The following UBR1 variants were observed in gnomAD, a reference collection of about 807,000 sequenced individuals.
The protein encoded by UBR1 is ubiquitin protein ligase E3 component n-recognin 1.
UBR1 carries 102 observed loss-of-function variants against 242.1 expected under a neutral mutation model. The ratio of observed to expected loss-of-function variants is 0.42; its 90% CI spans 0.36 to 0.50. The LOEUF (loss-of-function observed/expected upper bound fraction) is 0.50. Ranked by LOEUF, UBR1 falls within the 20% of genes least tolerant of loss-of-function variation. The pLI, the probability that UBR1 is intolerant of heterozygous loss-of-function variation, is 0.01. For missense variants in UBR1, 1,772 were observed against 2,101.8 expected (o/e 0.84, Z 3.07); for synonymous variants, 675 against 684.8 (o/e 0.99, Z 0.22).
intron 21 of UBR1, 90 bp from the exon 22 acceptor site, chr15:43,027,918 A>C: frequency 9.8e-7 from 1 of 1,016,640 alleles, no homozygotes; most frequent in East Asian, 2.5e-5. Context: ...TGCATCTCTG[A>C]AGTACTTTGT....
chr15:43,028,807 G>C (rs909450542), intron 21 of UBR1, among the ~76,000 whole-genome samples: 13 of 150,946 alleles, frequency 8.6e-5, no homozygotes, highest in African/African-American at 3.2e-4. Flanking sequence ...TCCTTGGCCG[G>C]ATGCAGTACA....
chr15:43,048,423 C>T lies in UBR1; in HGVS notation c.1508G>A (p.Arg503Gln), dbSNP rs774341055. Residue 503 changes from arginine to glutamine, a missense_variant, in exon 13 of 47, where the codon CGA becomes CAA. Around this residue, in one of 3 missense-constraint regions of UBR1, gnomAD observed 734 missense variants for 893.3 expected, o/e 0.82. Coordinates refer to ENST00000290650, the MANE Select transcript of UBR1 (RefSeq NM_174916.3). ...ACAGGTAAGAATCTTCAAAAAAGAT[C>T]GAAAACCTTCAAGGAACTGCATTCT... ...RLRMQFLEGF[R>Q]SFLKILTCMQ... 2.2e-5 allele frequency: 35 copies of T among 1,613,338 alleles called. No individual in the cohort carries two copies. The highest frequency in any genetic ancestry group is 8.3e-5 in the Admixed American group (5 of 59,976).
At chr15:43,024,505 T>C (rs2033153995) in intron 25 of UBR1, among the ~76,000 whole-genome samples, 1 of 152,260 alleles carries the variant, frequency 6.6e-6, no homozygotes, top group Non-Finnish European at 1.5e-5. Context: ...TATCTTCAAA[T>C]TTTATTATAC....
intron 6 of UBR1, among the ~76,000 whole-genome samples, chr15:43,062,027 T>C (rs1410721265): frequency 1.3e-5 from 2 of 152,058 alleles, no homozygotes; most frequent in South Asian, 2.1e-4. Flanking sequence ...GAAACCCTTG[T>C]GCATTGCTGG....
At chr15:43,035,081 C>A (rs1037859291) in intron 19 of UBR1, among the ~76,000 whole-genome samples, 2 of 151,910 alleles carry the variant, frequency 1.3e-5, no homozygotes, top group Admixed American at 1.3e-4. Context: ...TAGTGCAATC[C>A]TATATAGTTA....
intron 3 of UBR1, among the ~76,000 whole-genome samples, chr15:43,077,492 C>A (rs1015885278): frequency 2.0e-5 from 3 of 151,230 alleles, no homozygotes; most frequent in African/African-American, 7.3e-5. Flanking sequence ...ATCTTAAGTA[C>A]CCAGGGACAC....
intron 35 of UBR1, among the ~76,000 whole-genome samples, chr15:42,985,863 C>T (rs937115662): frequency 2.6e-5 from 4 of 151,620 alleles, no homozygotes; most frequent in Non-Finnish European, 4.4e-5. Flanking sequence ...GTGGCACATG[C>T]CTATGGTCCC....
At chr15:43,094,487 T>C (rs1359551552) in intron 1 of UBR1, among the ~76,000 whole-genome samples, 1 of 151,782 alleles carries the variant, frequency 6.6e-6, no homozygotes, top group African/African-American at 2.4e-5. Flanking sequence ...CATTCTTTTT[T>C]TCTTTTTAAA....
intron 37 of UBR1, among the ~76,000 whole-genome samples, chr15:42,981,490 A>AT (rs927478172): frequency 2.3e-4 from 34 of 149,744 alleles, no homozygotes; most frequent in East Asian, 3.9e-4. Context: ...TCTTGCCTCA[A>AT]TTTTTTTTTT....
chr15:42,945,263 T>C lies in UBR1; in HGVS notation c.*66A>G, dbSNP rs919620411. The C allele has an allele frequency of 2.5e-6, 4 of 1,612,398 alleles. No individual in the cohort carries two copies. The Admixed American group carries it at 5.0e-5, about 20-fold the overall frequency. ...TACTTTCCCAGCCCTCAGAAAGTTT[T>C]CCATAATTTTGAATCAGCCTTTACT... is the stretch of plus-strand genomic sequence containing the variant. On this transcript the variant is annotated 3_prime_UTR_variant, in exon 47 of 47. Coordinates refer to ENST00000290650, the MANE Select transcript of UBR1 (RefSeq NM_174916.3).
intron 1 of UBR1, among the ~76,000 whole-genome samples, chr15:43,087,831 G>A (rs1171743584): frequency 6.6e-6 from 1 of 151,908 alleles, no homozygotes; most frequent in East Asian, 1.9e-4. Flanking sequence ...TAAATCATGG[G>A]ACATTATAAA....
chr15:42,970,443 T>C, intron 40 of UBR1, 77 bp downstream of exon 40: 1 of 1,437,724 alleles, frequency 7.0e-7, no homozygotes, highest in Non-Finnish European at 9.7e-7. Context: ...TTTAAATGAT[T>C]CAAATGTTAC....
chr15:42,981,534 T>C (rs2032378583), intron 37 of UBR1, among the ~76,000 whole-genome samples: 1 of 152,058 alleles, frequency 6.6e-6, no homozygotes. Context: ...CTGTCGCCCA[T>C]GTTGGAGTGC....
At chr15:43,101,620 G>A (rs190940372) in intron 1 of UBR1, among the ~76,000 whole-genome samples, 50 of 152,006 alleles carry the variant, frequency 3.3e-4, no homozygotes, top group African/African-American at 1.0e-3. Context: ...ACTTGAGGTC[G>A]GGAGTTCGAG....
At position 43,032,562 on chromosome 15, in the gene UBR1, T is replaced by A. The variant is rs1443313115; in HGVS notation, c.2254+6A>T. The A allele has an allele frequency of 1.3e-6, 2 of 1,524,154 alleles. No individual in the cohort carries two copies. Among genetic ancestry groups the A allele is most frequent in the Non-Finnish European group, 1.8e-6 (2 of 1,103,682 alleles). The allele number at this position is 1,524,154 out of a possible 1,614,324, so 94.4% of individuals were successfully genotyped here. On this transcript the variant is annotated splice_donor_region_variant and intron_variant, in intron 20 of 46. Coordinates refer to ENST00000290650, the MANE Select transcript of UBR1 (RefSeq NM_174916.3). The stretch of plus-strand genomic sequence containing the variant: ...TCTATTTCAAAACATTGTGTTTTAA[T>A]CTTACCCACAATATAGATGAGGACC...
At chr15:43,036,102 G>T (rs2033331792) in intron 19 of UBR1, 76 bp downstream of exon 19, 1 of 1,295,122 alleles carries the variant, frequency 7.7e-7, no homozygotes, top group South Asian at 1.2e-5. Flanking sequence ...GGCTAAATAT[G>T]ACTGAAATAA....
chr15:43,080,907 T>C (rs1291235157), intron 3 of UBR1, among the ~76,000 whole-genome samples: 1 of 151,918 alleles, frequency 6.6e-6, no homozygotes, highest in African/African-American at 2.4e-5. Flanking sequence ...ACCAAGATTG[T>C]GCCACTGCAC....
Position 42,945,145 on chromosome 15 carries a change from T to C in UBR1, c.*184A>G. 1.4e-6 allele frequency: 1 copy of C among 731,012 alleles called. No homozygotes were observed. The highest frequency in any genetic ancestry group is 2.3e-6 in the Non-Finnish European group (1 of 443,824). The allele number at this position is 731,012 out of a possible 1,614,324, so 45.3% of individuals were successfully genotyped here. ...GATTGATCTATGTCCTTTTTTCCTG[T>C]GAAGCATATGTTTGCTAATTGAAAG... On this transcript the variant is annotated 3_prime_UTR_variant, in exon 47 of 47. Coordinates refer to ENST00000290650, the MANE Select transcript of UBR1 (RefSeq NM_174916.3).
intron 40 of UBR1, among the ~76,000 whole-genome samples, chr15:42,968,884 G>A (rs1482856850): frequency 6.6e-6 from 1 of 152,098 alleles, no homozygotes; most frequent in Non-Finnish European, 1.5e-5. Context: ...TCCATGGTGT[G>A]TATGTGCCAC....
Sources: allele counts gnomAD v4.1 joint callset (sites outside exome capture counted in the v4.1 genomes callset), GRCh38; gene constraint gnomAD v4.1.1; regional missense constraint gnomAD v4.1.1; transcripts MANE v1.5; gene names NCBI Gene and HGNC (gene_info 2026-07-23, HGNC 2026-07-21).